PLXNB2: variants seen among roughly 807,000 people sequenced by gnomAD.
PLXNB2 encodes the protein plexin B2.
In PLXNB2, 85 loss-of-function variants were observed where a neutral mutation model predicts 202.6. The ratio of observed to expected loss-of-function variants is 0.42; its 90% CI spans 0.35 to 0.50. The LOEUF (loss-of-function observed/expected upper bound fraction) is 0.50. Ranked by LOEUF, PLXNB2 falls within the 20% of genes least tolerant of loss-of-function variation. The pLI is 0.02. For synonymous variants in PLXNB2, 1,239 were observed against 1,137.6 expected (o/e 1.09, Z -1.79); for missense variants, 2,063 against 2,586.2 (o/e 0.80, Z 4.39).
chr22:50,287,724 G>A lies in PLXNB2; in HGVS notation c.1551C>T (p.Ser517=). The change falls in exon 7 of 37, where the codon TCC becomes TCT. Residue 517 remains serine, a synonymous_variant. Coordinates refer to ENST00000359337, the MANE Select transcript of PLXNB2 (RefSeq NM_012401.4). ...GCTGGGCGCTGGTGACGGCCACGCA[G>A]GACTTGCTTCGGCTCCACAGCCAGT... The part of the protein sequence containing the change: ...ASHWLWSRSK[S]CVAVTSAQPQ... The A allele has an allele frequency of 1.3e-6, 2 of 1,574,128 alleles. No homozygotes were observed. The highest frequency in any genetic ancestry group is 1.2e-5 in the South Asian group (1 of 86,918).
rs1010200297 is a variant in PLXNB2 at position 50,284,481 on chromosome 22, C to T, written c.2181+92G>A. ...GGCTCTGGTCCCTGGGGTCTCCCTGCTGCCCCTCCCCTCACAGTCCTGAAG... is the reference window on the plus strand; with the variant it reads ...GGCTCTGGTCCCTGGGGTCTCCCTGTTGCCCCTCCCCTCACAGTCCTGAAG... On this transcript the variant is annotated intron_variant, in intron 12 of 36. Transcript: ENST00000359337. The surrounding 1 kb of genome is among the most constrained non-coding windows in gnomAD (Gnocchi z 8.0). 7 of 993,246 alleles carry T rather than the reference C, an allele frequency of 7.0e-6. No homozygotes were observed. The African/African-American group carries it at 1.1e-4, about 16-fold the overall frequency. The allele number at this position is 993,246 out of a possible 1,614,324, so 61.5% of individuals were successfully genotyped here.
chr22:50,301,112 C>T (rs930376019), intron 1 of PLXNB2, among the ~76,000 whole-genome samples: 7 of 152,222 alleles, frequency 4.6e-5, no homozygotes, highest in Non-Finnish European at 8.8e-5. Flanking sequence ...TCTCTGGCCA[C>T]GGCCCACTGG....
intron 1 of PLXNB2, among the ~76,000 whole-genome samples, chr22:50,299,300 T>TGGG (rs1168668072): frequency 6.4e-4 from 41 of 64,556 alleles, no homozygotes; most frequent in African/African-American, 3.4e-3. Context: ...CTGCGTGGGG[T>TGGG]GGGGGGGGGG....
chr22:50,301,452 G>A (rs1311614567), intron 1 of PLXNB2: 1 of 953,750 alleles, frequency 1.0e-6, no homozygotes, highest in East Asian at 1.2e-4. Flanking sequence ...CAACTCATCA[G>A]GACAGGACAT....
At chr22:50,299,220 G>A (rs866546924) in intron 1 of PLXNB2, among the ~76,000 whole-genome samples, 5 of 152,078 alleles carry the variant, frequency 3.3e-5, no homozygotes, top group African/African-American at 9.6e-5. Flanking sequence ...GGACATGGGC[G>A]GTGGAGAAGG....
Position 50,290,518 on chromosome 22 carries a change from G to A in PLXNB2, c.67C>T (p.Arg23Cys), listed in dbSNP as rs546928788. ...TCGCTGCGGAAGAAGTCCAGCTTGC[G>A]GGGCCTCAGGCTGGCACCTGCGCCC... ...LLGAGASLRP[R>C]KLDFFRSEKE... Residue 23 changes from arginine (R) to cysteine (C), a missense_variant, in exon 3 of 37, where the codon CGC (arginine) becomes TGC (cysteine). By Grantham distance (180) the Arg-to-Cys change is radical (BLOSUM62 -3). This residue lies in a region of PLXNB2 where 1,303 missense variants were observed against 1,476.8 expected (regional missense o/e 0.88). Transcript: ENST00000359337. The A allele has an allele frequency of 2.5e-5, 41 of 1,612,460 alleles. No homozygotes were observed. The highest frequency in any genetic ancestry group is 1.3e-4 in the South Asian group (12 of 91,048).
chr22:50,275,190 T>G lies in PLXNB2; in HGVS notation c.*514A>C. 3.1e-6 allele frequency: 1 copy of G among 317,840 alleles called. No homozygotes were observed. Among genetic ancestry groups the G allele is most frequent in the Non-Finnish European group, 6.2e-6 (1 of 160,854 alleles). 19.7% of individuals were successfully genotyped at this position (317,840 alleles called of 1,614,324 possible). The stretch of plus-strand genomic sequence containing the variant: ...TGACGTGGGGCCCAGCAGCCGTGAG[T>G]CCACCCAGAGTGCCGGCACCCTTGG... On this transcript the variant is annotated 3_prime_UTR_variant, in exon 37 of 37. Transcript: ENST00000359337.
In PLXNB2 at chr22:50,281,557, C is replaced by T. The variant is rs772751912; in HGVS notation, c.3522+9G>A. ...TGGGGGCACCCCCCGCCAGTCCCCG[C>T]TCACGCACAATGAACTCGGGCAGGT... On this transcript the variant is annotated intron_variant, in intron 21 of 36. Coordinates refer to ENST00000359337, the MANE Select transcript of PLXNB2 (RefSeq NM_012401.4). 23 of 1,610,522 alleles carry T rather than the reference C, an allele frequency of 1.4e-5. No homozygotes were observed. In the African/African-American group the frequency reaches 2.5e-4, roughly 18 times the overall value.
Position 50,275,922 on chromosome 22 carries a change from C to T in PLXNB2, c.5379G>A (p.Gln1793=). Residue 1793 remains glutamine, a synonymous_variant, in exon 36 of 37, where the codon CAG becomes CAA. Coordinates refer to ENST00000359337, the MANE Select transcript of PLXNB2 (RefSeq NM_012401.4). ...DSLNTLVALH[Q]LYQYTQKYYD... is the part of the protein sequence containing the mutation. ...AGTACTTCTGCGTGTATTGGTAGAG[C>T]TGGTGGAGTGCCACGAGGGTGTTCA... The T allele has an allele frequency of 4.3e-6, 7 of 1,612,646 alleles. No homozygotes were observed. The highest frequency in any genetic ancestry group is 5.9e-6 in the Non-Finnish European group (7 of 1,179,884).
In PLXNB2 at chr22:50,285,861, A is replaced by C. The variant is rs267606288; in HGVS notation, c.2027T>G (p.Val676Gly). ...ATCTGTCTCGTGGTTCATGGGGATC[A>C]CCAGGGGGCTGGGTCCCAGGAACTG... Reference protein sequence around the residue: ...CPQFLGPSPLVIPMNHETDVN... With the variant: ...CPQFLGPSPLGIPMNHETDVN... The change falls in exon 11 of 37, where the codon GTG (valine) becomes GGG (glycine). Residue 676 changes from valine (V) to glycine (G), a missense_variant. By Grantham distance (109) the Val-to-Gly change is moderately radical. Around this residue, in one of 2 missense-constraint regions of PLXNB2, gnomAD observed 1,303 missense variants for 1,476.8 expected, o/e 0.88. Transcript: ENST00000359337. 4.3e-6 allele frequency: 7 copies of C among 1,612,762 alleles called. No homozygotes were observed. The highest frequency in any genetic ancestry group is 5.1e-6 in the Non-Finnish European group (6 of 1,179,852).
chr22:50,287,702 G>A lies in PLXNB2; in HGVS notation c.1573C>T (p.Gln525Ter). 6.4e-7 allele frequency: 1 copy of A among 1,558,770 alleles called. No homozygotes were observed. The highest frequency in any genetic ancestry group is 8.6e-7 in the Non-Finnish European group (1 of 1,156,666). Residue 525 changes from glutamine to a stop codon, truncating the protein, a stop_gained, in exon 7 of 37, where the codon CAG becomes TAG. Coordinates refer to ENST00000359337, the MANE Select transcript of PLXNB2 (RefSeq NM_012401.4). LOFTEE classifies it high-confidence loss of function. ...GCCCGCCGGCTCATGTTCTGTGGCTGGGCGCTGGTGACGGCCACGCAGGAC... is the reference window on the plus strand; with the variant it reads ...GCCCGCCGGCTCATGTTCTGTGGCTAGGCGCTGGTGACGGCCACGCAGGAC... ...SKSCVAVTSA[Q>*]PQNMSRRAQG...
Position 50,288,166 on chromosome 22 carries a change from G to A in PLXNB2, c.1381-129C>T, listed in dbSNP as rs577747038. 4 of 669,068 alleles carry A rather than the reference G, an allele frequency of 6.0e-6. No individual in the cohort carries two copies. The South Asian group carries it at 7.5e-5, about 12-fold the overall frequency. The allele number at this position is 669,068 out of a possible 1,614,324, so 41.4% of individuals were successfully genotyped here. ...GGCCTCGGGAGCCTCAGACACCTCA[G>A]GCTTGATATTAAACAGTTCTGGCTC... On this transcript the variant is annotated intron_variant, in intron 5 of 36. Transcript: ENST00000359337. This position sits in a 1 kb window ranked among gnomAD's most constrained non-coding sequence, Gnocchi z 5.0.
At chr22:50,280,714 G>GGGCCCCCCCCCCCCC in intron 24 of PLXNB2, 30 bp downstream of exon 24, 2 of 1,528,910 alleles carry the variant, frequency 1.3e-6, no homozygotes, top group Non-Finnish European at 1.8e-6. Flanking sequence ...CCACCTGTGT[G>GGGCCCCCCCCCCCCC]CCCTCCCGCC....
rs1445164904 is a variant in PLXNB2 at position 50,275,733 on chromosome 22, C to T, written c.5488G>A (p.Ala1830Thr). 4 of 1,610,954 alleles carry T rather than the reference C, an allele frequency of 2.5e-6. No homozygotes were observed. The highest frequency in any genetic ancestry group is 3.4e-6 in the Non-Finnish European group (4 of 1,178,826). Residue 1830 changes from alanine to threonine, a missense_variant, in exon 37 of 37, where the codon GCA becomes ACA. Around this residue, in one of 2 missense-constraint regions of PLXNB2, gnomAD observed 760 missense variants for 1,109.4 expected, o/e 0.69. Coordinates refer to ENST00000359337, the MANE Select transcript of PLXNB2 (RefSeq NM_012401.4). Reference sequence around the variant, plus strand: ...AGGTCAGTGACCTTGTTCTCCAGTGCAGCGGCAATCTGCTGCAGGCGGAAG... The same window carrying T: ...AGGTCAGTGACCTTGTTCTCCAGTGTAGCGGCAATCTGCTGCAGGCGGAAG... ...LAFRLQQIAA[A>T]LENKVTDL
intron 32 of PLXNB2, 50 bp from the exon 33 acceptor site, chr22:50,277,788 G>T (rs1230325861): frequency 5.0e-6 from 8 of 1,601,446 alleles, no homozygotes; most frequent in South Asian, 1.1e-5. Flanking sequence ...CGCGGGGTGG[G>T]TGTGGAGCCT....
Position 50,278,673 on chromosome 22 carries a change from G to T in PLXNB2, c.4570C>A (p.Gln1524Lys). Residue 1524 changes from glutamine to lysine, a missense_variant, in exon 29 of 37, where the codon CAG becomes AAG. By Grantham distance (53) the Gln-to-Lys change is moderately conservative. This residue lies in a region of PLXNB2 where 760 missense variants were observed against 1,109.4 expected (regional missense o/e 0.69). Transcript: ENST00000359337. Reference sequence around the variant, plus strand: ...GTCAGGTCCAGGTCCGACAGGATCTGCGCTGTGGAGCCCGGACGCCACTCT... The same window carrying T: ...GTCAGGTCCAGGTCCGACAGGATCTTCGCTGTGGAGCCCGGACGCCACTCT... The part of the protein sequence containing the change: ...VLEWRPGSTA[Q>K]ILSDLDLTSQ... The T allele has an allele frequency of 6.2e-7, 1 of 1,612,048 alleles. No homozygotes were observed. Among genetic ancestry groups the T allele is most frequent in the Non-Finnish European group, 8.5e-7 (1 of 1,179,634 alleles).
Position 50,282,031 on chromosome 22 carries a change from C to T in PLXNB2, c.3168G>A (p.Leu1056=). The change falls in exon 20 of 37, where the codon CTG becomes CTA. Residue 1056 remains leucine, a synonymous_variant. Transcript: ENST00000359337. ...VFHNDTKVVF[L]SPAVPEEPEA... is the part of the protein sequence containing the mutation. ...CTGGCTCCTCAGGCACAGCCGGGGA[C>T]AGGAAGACGACCTTGGTGTCATTGT... The T allele has an allele frequency of 1.2e-6, 2 of 1,612,992 alleles. No individual in the cohort carries two copies. Among genetic ancestry groups the T allele is most frequent in the South Asian group, 2.2e-5 (2 of 91,082 alleles).
rs767017951 is a variant in PLXNB2, at chr22:50,279,610, C to A, written c.4389+20G>T. ...CCCAGATCCGAGGCGCCCATGGCGGCCCCCACCCCAGAAGCTCACCAGGGG... is the reference window on the plus strand; with the variant it reads ...CCCAGATCCGAGGCGCCCATGGCGGACCCCACCCCAGAAGCTCACCAGGGG... On this transcript the variant is annotated intron_variant, in intron 27 of 36. Coordinates refer to ENST00000359337, the MANE Select transcript of PLXNB2 (RefSeq NM_012401.4). The A allele has an allele frequency of 6.2e-7, 1 of 1,611,410 alleles. No homozygotes were observed. Among genetic ancestry groups the A allele is most frequent in the Non-Finnish European group, 8.5e-7 (1 of 1,178,502 alleles).
In PLXNB2 at chr22:50,277,676, A is replaced by C; in HGVS notation, c.5111T>G (p.Val1704Gly). The change falls in exon 33 of 37, where the codon GTC becomes GGC. Residue 1704 changes from valine (V) to glycine (G), a missense_variant. Val to Gly is a moderately radical substitution (Grantham distance 109). Transcript: ENST00000359337. Reference protein sequence around the residue: ...KNPHFIFDVHVHEVVDASLSV... With the variant: ...KNPHFIFDVHGHEVVDASLSV... ...CAGCGAGGCGTCCACCACCTCGTGG[A>C]CATGCACGTCAAAGATGAAGTGGGG... is the stretch of plus-strand genomic sequence containing the variant. 6.2e-7 allele frequency: 1 copy of C among 1,608,976 alleles called. No homozygotes were observed. The highest frequency in any genetic ancestry group is 1.1e-5 in the South Asian group (1 of 90,750).
Sources: gnomAD v4.1 joint callset for allele counts (sites outside exome capture counted in the v4.1 genomes callset) on GRCh38, gnomAD v4.1.1 for gene constraint, gnomAD v4.1.1 regional missense constraint, Gnocchi (gnomAD v3.1) non-coding constraint, MANE v1.5 for transcripts, NCBI Gene and HGNC (gene_info 2026-07-23, HGNC 2026-07-21) for gene names.